The following FAM114A1 variants were observed in gnomAD, a reference collection of about 807,000 sequenced individuals.
FAM114A1 encodes family with sequence similarity 114 member A1, also known as protein NOXP20.
Under a neutral mutation model 64.3 loss-of-function variants are expected in FAM114A1, and 62 were observed. That is an observed-to-expected ratio of 0.96 (90% CI 0.79 to 1.19). The LOEUF (loss-of-function observed/expected upper bound fraction) is 1.19, where lower values mean the gene tolerates loss of function less well. Ranked by LOEUF, FAM114A1 falls within the 50% of genes most tolerant of loss-of-function variation. FAM114A1 has a pLI of 0.00. For missense variants in FAM114A1, 645 were observed against 676.3 expected, an observed-to-expected ratio of 0.95 and a Z score of 0.51; for synonymous variants, 254 against 251.1, an observed-to-expected ratio of 1.01 and a Z score of -0.11.
chr4:38,882,711 AG>A (rs1715412518), intron 3 of FAM114A1, among the ~76,000 whole-genome samples: 1 of 151,988 alleles, frequency 6.6e-6, no homozygotes. Context: ...CGTACTTCTA[AG>A]GCACATTAGA....
Position 38,891,842 on chromosome 4 carries a change from A to G in FAM114A1, c.436+12A>G, listed in dbSNP as rs776383272. 49 of 1,603,988 alleles carry G rather than the reference A, an allele frequency of 3.1e-5. No individual in the cohort carries two copies. The highest frequency in any genetic ancestry group is 3.3e-4 in the Middle Eastern group (2 of 6,050). ...ATCTGCCACAGTAGGTAAGCATTGT[A>G]TGTTGCATTGGAATAGACAAAGTAC... is the stretch of plus-strand genomic sequence containing the variant. On this transcript the variant is annotated intron_variant, in intron 4 of 14. Transcript: ENST00000358869.
At chr4:38,940,593 G>A (rs1721510514) in intron 13 of FAM114A1, among the ~76,000 whole-genome samples, 1 of 152,170 alleles carries the variant, frequency 6.6e-6, no homozygotes, top group South Asian at 2.1e-4. Flanking sequence ...CATCCACTCT[G>A]CCTACACAAC....
intron 3 of FAM114A1, among the ~76,000 whole-genome samples, chr4:38,883,020 A>G (rs1715449889): frequency 6.6e-6 from 1 of 152,140 alleles, no homozygotes; most frequent in South Asian, 2.1e-4. Flanking sequence ...TGACATACAG[A>G]CTCAGAAGCC....
chr4:38,905,420 G>T, intron 4 of FAM114A1, 102 bp from the exon 5 acceptor site: 3 of 813,394 alleles, frequency 3.7e-6, no homozygotes, highest in Non-Finnish European at 6.0e-6. Flanking sequence ...AAAAAAGAAA[G>T]ATGTACTTCT....
At chr4:38,924,683 A>G (rs972293666) in intron 9 of FAM114A1, among the ~76,000 whole-genome samples, 2 of 152,208 alleles carry the variant, frequency 1.3e-5, no homozygotes, top group African/African-American at 4.8e-5. Context: ...GAGCATTAGT[A>G]TGTTCCTCCC....
intron 3 of FAM114A1, among the ~76,000 whole-genome samples, chr4:38,880,107 G>GAA (rs1715084182): frequency 7.9e-6 from 1 of 127,368 alleles, no homozygotes; most frequent in Non-Finnish European, 1.7e-5. Flanking sequence ...ATAAAATAGA[G>GAA]TAGAATAGAA....
intron 9 of FAM114A1, among the ~76,000 whole-genome samples, chr4:38,924,934 C>A (rs181444015): frequency 6.6e-6 from 1 of 152,298 alleles, no homozygotes; most frequent in African/African-American, 2.4e-5. Flanking sequence ...ATCCCAGATT[C>A]CCCCCAACAT....
At chr4:38,922,979 A>G in intron 9 of FAM114A1, 86 bp downstream of exon 9, 3 of 1,430,768 alleles carry the variant, frequency 2.1e-6, no homozygotes, top group Non-Finnish European at 1.9e-6. Flanking sequence ...CCTTTGAATT[A>G]CTTAATTCAA....
intron 9 of FAM114A1, among the ~76,000 whole-genome samples, chr4:38,926,712 T>A (rs757210366): frequency 3.9e-5 from 6 of 152,158 alleles, no homozygotes; most frequent in Non-Finnish European, 7.4e-5. Flanking sequence ...CACGTTGGCC[T>A]CCTAAAGTGC....
At chr4:38,905,983 A>T in intron 6 of FAM114A1, 122 bp downstream of exon 6, 1 of 823,916 alleles carries the variant, frequency 1.2e-6, no homozygotes, top group Non-Finnish European at 1.8e-6. Flanking sequence ...ACTTTGGATT[A>T]TGGTTTTTTT....
In FAM114A1 at chr4:38,914,788, T is replaced by G. The variant is rs544261735; in HGVS notation, c.793-133T>G. ...AGGATCAATCAAAAAAATCATTTTT[T>G]AGAAATTCTAAAGTGACCAGAATCT... On this transcript the variant is annotated intron_variant, in intron 7 of 14. Coordinates refer to ENST00000358869, the MANE Select transcript of FAM114A1 (RefSeq NM_138389.4). The G allele has an allele frequency of 2.4e-5, 24 of 985,054 alleles. No individual in the cohort carries two copies. The South Asian group carries it at 4.6e-4, about 19-fold the overall frequency. 61.0% of individuals were successfully genotyped at this position (985,054 alleles called of 1,614,324 possible).
chr4:38,941,076 CTTTTT>C, intron 14 of FAM114A1, 55 bp downstream of exon 14: 1 of 1,235,994 alleles, frequency 8.1e-7, no homozygotes, highest in Non-Finnish European at 1.1e-6. Context: ...GTTAGAACTA[CTTTTT>C]TTTTTTTTTG....
chr4:38,891,800 T>C lies in FAM114A1; in HGVS notation c.406T>C (p.Ser136Pro). Reference sequence around the variant, plus strand: ...GGCAGGCTGGGGATCCTGGGGCAAATCTCTGCTGTCGTCAGCATCTGCCAC... The same window carrying C: ...GGCAGGCTGGGGATCCTGGGGCAAACCTCTGCTGTCGTCAGCATCTGCCAC... ...GWAGWGSWGKSLLSSASATVG... is the reference protein window; with the variant it reads ...GWAGWGSWGKPLLSSASATVG... Residue 136 changes from serine (S) to proline (P), a missense_variant, in exon 4 of 15, where the codon TCT becomes CCT. By Grantham distance (74) the Ser-to-Pro change is moderately conservative. Coordinates refer to ENST00000358869, the MANE Select transcript of FAM114A1 (RefSeq NM_138389.4). 6.2e-7 allele frequency: 1 copy of C among 1,612,738 alleles called. No individual in the cohort carries two copies. The highest frequency in any genetic ancestry group is 8.5e-7 in the Non-Finnish European group (1 of 1,179,390).
chr4:38,922,710 T>C (rs1001304751), intron 8 of FAM114A1, 60 bp from the exon 9 acceptor site: 3 of 1,569,128 alleles, frequency 1.9e-6, no homozygotes, highest in Non-Finnish European at 2.6e-6. Context: ...GACCGCTGTG[T>C]GTAAACGTTA....
rs557808010 is a variant in FAM114A1, at chr4:38,943,862, G to A, written c.*305G>A. ...TATTCGTGTTCATTTTCCTGGTTAA[G>A]CATGCTATATTTAGAAACTCATGGG... On this transcript the variant is annotated 3_prime_UTR_variant, in exon 15 of 15. Transcript: ENST00000358869. 1.6e-5 allele frequency: 4 copies of A among 248,928 alleles called. No individual in the cohort carries two copies. In the East Asian group the frequency reaches 3.2e-4, roughly 20 times the overall value. The allele number at this position is 248,928 out of a possible 1,614,324, so 15.4% of individuals were successfully genotyped here. A position where few individuals can be genotyped will look rare whatever the true frequency, so the allele number is the denominator to read the frequency against.
chr4:38,867,865 C>A, intron 1 of FAM114A1, 31 bp downstream of exon 1: 1 of 173,832 alleles, frequency 5.8e-6, no homozygotes, highest in African/African-American at 2.4e-5. Context: ...GTCCCCATCC[C>A]CTTCCCCGGG....
intron 12 of FAM114A1, among the ~76,000 whole-genome samples, chr4:38,932,857 A>AT (rs34761547): frequency 0.29 from 41,772 of 142,870 alleles, 6,372 homozygotes; most frequent in South Asian, 0.53. Flanking sequence ...AGAAATAAGG[A>AT]TTTTTTTTTT....
At position 38,940,983 on chromosome 4, in the gene FAM114A1, G is replaced by A. The variant is rs376183740; in HGVS notation, c.1552G>A (p.Glu518Lys). 28 of 1,613,960 alleles carry A rather than the reference G, an allele frequency of 1.7e-5. No individual in the cohort carries two copies. The highest frequency in any genetic ancestry group is 1.9e-5 in the Non-Finnish European group (23 of 1,179,998). Reference sequence around the variant, plus strand: ...GATTCCACAGAGCAACAAGAAGGCCGAGGTCCTTAACCCCATGATCAGTAG... The same window carrying A: ...GATTCCACAGAGCAACAAGAAGGCCAAGGTCCTTAACCCCATGATCAGTAG... ...LTTVGSNKKA[E>K]VLNPMISSVL... The change falls in exon 14 of 15, where the codon GAG becomes AAG. Residue 518 changes from glutamate to lysine, a missense_variant. Physicochemically the swap from Glu to Lys is moderately conservative, Grantham distance 56. Transcript: ENST00000358869.
chr4:38,932,533 G>C (rs1391519576), intron 12 of FAM114A1, among the ~76,000 whole-genome samples, 159 bp downstream of exon 12: 1 of 152,106 alleles, frequency 6.6e-6, no homozygotes, highest in East Asian at 1.9e-4. Context: ...ATCTCACTCT[G>C]TCACCCAGAC....
Sources: gnomAD v4.1 joint callset for allele counts (sites outside exome capture counted in the v4.1 genomes callset) on GRCh38, gnomAD v4.1.1 for gene constraint, MANE v1.5 for transcripts, NCBI Gene and HGNC (gene_info 2026-07-23, HGNC 2026-07-21) for gene names.